The following ATP5MG variants were observed in gnomAD, a reference collection of about 807,000 sequenced individuals.
ATP5MG encodes ATP synthase membrane subunit g, also known as ATP synthase F(0) complex subunit g, mitochondrial.
A neutral mutation model predicts 12.7 loss-of-function variants in ATP5MG; 7 were observed. The observed-to-expected ratio is 0.55, with a 90% CI of 0.31 to 1.04. The LOEUF is 1.04. ATP5MG is among the 50% of genes least tolerant of loss of function. The pLI is 0.05. For synonymous variants in ATP5MG, 53 were observed against 48.2 expected (o/e 1.10, Z -0.41); for missense variants, 116 against 126.7 (o/e 0.92, Z 0.41).
chr11:118,404,245 A>G (rs1948954213), intron 1 of ATP5MG, among the ~76,000 whole-genome samples: 1 of 152,260 alleles, frequency 6.6e-6, no homozygotes, highest in South Asian at 2.1e-4. Flanking sequence ...AAGTAAATTT[A>G]TCATCAGGTT....
Position 118,409,365 on chromosome 11 carries a change from TAATTTG to T in ATP5MG, c.*270_*275del. 1.1e-5 allele frequency: 2 copies of T among 186,496 alleles called. No individual in the cohort carries two copies. 11.6% of individuals were successfully genotyped at this position (186,496 alleles called of 1,614,324 possible). ...ACATGAATATATGGGGATAACATTT[TAATTTG>T]AAGGTTTGGAATATATATATTTAAG... On this transcript the variant is annotated 3_prime_UTR_variant, in exon 3 of 3. Coordinates refer to ENST00000300688, the MANE Select transcript of ATP5MG (RefSeq NM_006476.5).
intron 1 of ATP5MG, among the ~76,000 whole-genome samples, chr11:118,402,621 C>CA (rs1258647026): frequency 2.0e-5 from 3 of 148,510 alleles, no homozygotes; most frequent in African/African-American, 4.9e-5. Flanking sequence ...AGCAGAACTT[C>CA]AAAAAAAATG....
At chr11:118,401,821 G>C (rs1948929876) in intron 1 of ATP5MG, 104 bp downstream of exon 1, 1 of 1,399,152 alleles carries the variant, frequency 7.1e-7, no homozygotes, top group Admixed American at 2.5e-5. Flanking sequence ...GGGCCTGCGG[G>C]TGCCGGGGCG....
chr11:118,401,865 G>T, intron 1 of ATP5MG, 148 bp downstream of exon 1: 2 of 917,158 alleles, frequency 2.2e-6, no homozygotes, highest in Non-Finnish European at 3.2e-6. Context: ...CAGGAAGCAG[G>T]TTGGCGACTC....
rs1948995164 is a variant in ATP5MG at position 118,408,986 on chromosome 11, GCTT to G, written c.214-10_214-8del. On this transcript the variant is annotated splice_polypyrimidine_tract_variant and intron_variant, in intron 2 of 2. Coordinates refer to ENST00000300688, the MANE Select transcript of ATP5MG (RefSeq NM_006476.5). ...ATATAAAAGGTACCTTAAAATGTAT[GCTT>G]CTTTTTTCAGGAAGCTGTGCTGAAT... 1 of 1,485,106 alleles carries G rather than the reference GCTT, an allele frequency of 6.7e-7. No homozygotes were observed. Among genetic ancestry groups the G allele is most frequent in the Non-Finnish European group, 9.2e-7 (1 of 1,089,602 alleles). 92.0% of individuals were successfully genotyped at this position (1,485,106 alleles called of 1,614,324 possible). A position where few individuals can be genotyped will look rare whatever the true frequency, so the allele number is the denominator to read the frequency against.
At chr11:118,404,173 T>G (rs1280674923) in intron 1 of ATP5MG, among the ~76,000 whole-genome samples, 1 of 152,228 alleles carries the variant, frequency 6.6e-6, no homozygotes, top group African/African-American at 2.4e-5. Context: ...TGTTAAATAT[T>G]TAATAAAAAT....
intron 2 of ATP5MG, among the ~76,000 whole-genome samples, chr11:118,408,600 A>G (rs1372918417): frequency 1.3e-5 from 2 of 152,218 alleles, no homozygotes; most frequent in Non-Finnish European, 2.9e-5. Context: ...CTTTTGCCAG[A>G]CAAAAATGTC....
In ATP5MG at chr11:118,409,512, A is replaced by AC. The variant is rs1303958024; in HGVS notation, c.*414_*415insC. The AC allele has an allele frequency of 6.6e-6, 1 of 152,412 alleles. No homozygotes were observed. Among genetic ancestry groups the AC allele is most frequent in the African/African-American group, 2.4e-5 (1 of 41,470 alleles). 9.4% of individuals were successfully genotyped at this position (152,412 alleles called of 1,614,324 possible). On this transcript the variant is annotated 3_prime_UTR_variant, in exon 3 of 3. Transcript: ENST00000300688. ...GAGATGAATCATGTCAGTAGTTAGA[A>AC]TAACATTTCAACTGTTTTCTTTGCT...
At chr11:118,402,629 AT>A (rs1482688593) in intron 1 of ATP5MG, among the ~76,000 whole-genome samples, 4 of 152,008 alleles carry the variant, frequency 2.6e-5, no homozygotes, top group African/African-American at 9.7e-5. Context: ...TTCAAAAAAA[AT>A]GTAATACTTT....
Position 118,401,762 on chromosome 11 carries a change from G to A in ATP5MG, c.52+45G>A, listed in dbSNP as rs1555131120. 5 of 1,602,230 alleles carry A rather than the reference G, an allele frequency of 3.1e-6. No homozygotes were observed. In the South Asian group the frequency reaches 3.3e-5, roughly 11 times the overall value. On this transcript the variant is annotated intron_variant, in intron 1 of 2. Transcript: ENST00000300688. ...GCCGAGGCGGGCACACGGGCGGCAG[G>A]GAGGCCTGCGATGGCCTGAGAGGAA...
rs782323803 is a variant in ATP5MG, at chr11:118,407,060, G to T, written c.176G>T (p.Ser59Ile). The T allele has an allele frequency of 1.2e-6, 2 of 1,614,118 alleles. No homozygotes were observed. Among genetic ancestry groups the T allele is most frequent in the Non-Finnish European group, 1.7e-6 (2 of 1,180,026 alleles). The change falls in exon 2 of 3, where the codon AGT becomes ATT. Residue 59 changes from serine to isoleucine, a missense_variant. By Grantham distance (142) the Ser-to-Ile change is moderately radical (BLOSUM62 -2). Coordinates refer to ENST00000300688, the MANE Select transcript of ATP5MG (RefSeq NM_006476.5). Reference protein sequence around the residue: ...AIQSLKKIVNSAQTGSFKQLT... With the variant: ...AIQSLKKIVNIAQTGSFKQLT... ...CAGAGCCTGAAAAAAATAGTCAATA[G>T]TGCTCAGACTGGTAGCTTCAAACAG... is the stretch of plus-strand genomic sequence containing the variant.
chr11:118,406,805 G>T (rs549715449), intron 1 of ATP5MG, 132 bp from the exon 2 acceptor site: 2 of 1,356,634 alleles, frequency 1.5e-6, no homozygotes, highest in East Asian at 5.1e-5. Flanking sequence ...TTCACACCGG[G>T]TGCACATTTG....
chr11:118,408,359 A>C (rs934034243), intron 2 of ATP5MG, among the ~76,000 whole-genome samples: 11 of 152,186 alleles, frequency 7.2e-5, no homozygotes, highest in African/African-American at 2.7e-4. Flanking sequence ...CTAAAAGGAA[A>C]AGGTCCAGTT....
chr11:118,403,835 C>T (rs1948951132), intron 1 of ATP5MG: 1 of 150,464 alleles, frequency 6.6e-6, no homozygotes, highest in Non-Finnish European at 1.5e-5. Context: ...GGATTAGAGG[C>T]TTCACTCTGG....
intron 1 of ATP5MG, 101 bp from the exon 2 acceptor site, chr11:118,406,836 T>C: frequency 6.7e-7 from 1 of 1,485,990 alleles, no homozygotes; most frequent in African/African-American, 1.4e-5. Context: ...TGAATGAAGG[T>C]GATGCATGAA....
intron 2 of ATP5MG, 188 bp downstream of exon 2, chr11:118,407,285 C>T: frequency 2.3e-6 from 2 of 869,798 alleles, no homozygotes; most frequent in Non-Finnish European, 3.4e-6. Flanking sequence ...AAATAATTAG[C>T]CCATTTTATG....
At chr11:118,405,514 A>T in intron 1 of ATP5MG, 1 of 382,836 alleles carries the variant, frequency 2.6e-6, no homozygotes, top group Non-Finnish European at 3.6e-6. Context: ...TAAGAAACAA[A>T]TTTACCACCT....
At chr11:118,406,559 T>C in intron 1 of ATP5MG, 1 of 192,302 alleles carries the variant, frequency 5.2e-6, no homozygotes, top group East Asian at 1.2e-4. Context: ...TTTGCTGGTC[T>C]CTCTCCAAGA....
At position 118,409,192 on chromosome 11, in the gene ATP5MG, T is replaced by G; in HGVS notation, c.*94T>G. On this transcript the variant is annotated 3_prime_UTR_variant, in exon 3 of 3. Coordinates refer to ENST00000300688, the MANE Select transcript of ATP5MG (RefSeq NM_006476.5). ...ACTGCTATCTGAATAAAATAAGATT[T>G]GTCAAAACTCAGTGTTTTCTCCATC... 1 of 801,292 alleles carries G rather than the reference T, an allele frequency of 1.2e-6. No homozygotes were observed. Among genetic ancestry groups the G allele is most frequent in the Non-Finnish European group, 1.8e-6 (1 of 558,784 alleles). The allele number at this position is 801,292 out of a possible 1,614,324, so 49.6% of individuals were successfully genotyped here.
Sources: allele counts gnomAD v4.1 joint callset (sites outside exome capture counted in the v4.1 genomes callset), GRCh38; gene constraint gnomAD v4.1.1; transcripts MANE v1.5; gene names NCBI Gene and HGNC (gene_info 2026-07-23, HGNC 2026-07-21).